Variants in EMILIN2 observed in about 807,000 individuals in gnomAD.
The protein encoded by EMILIN2 is elastin microfibril interfacer 2.
EMILIN2 carries 71 observed loss-of-function variants against 87.1 expected under a neutral mutation model. The ratio of observed to expected loss-of-function variants is 0.82; its 90% CI spans 0.67 to 0.99. EMILIN2 has a LOEUF of 0.99. Among genes scored for constraint, EMILIN2 ranks in the 50% least tolerant of loss-of-function variants. The pLI is 0.00. For synonymous variants in EMILIN2, 581 were observed against 563.4 expected, an observed-to-expected ratio of 1.03 and a Z score of -0.44; for missense variants, 1,407 against 1,371.8, an observed-to-expected ratio of 1.03 and a Z score of -0.40.
rs377272906 is a variant in EMILIN2, at chr18:2,909,695, T to C, written c.2700T>C (p.Ala900=). Residue 900 remains alanine (A), a synonymous_variant, in exon 7 of 8, where the codon GCT becomes GCC. Coordinates refer to ENST00000254528, the MANE Select transcript of EMILIN2 (RefSeq NM_032048.3). ...PKSPPVASPG[A]PVPSLVSFSA... is the part of the protein sequence containing the mutation. ...TCCATCCTTTCTCTGCTCCAGGAGC[T>C]CCGGTGCCTTCTCTGGTGTCTTTTT... 6.2e-6 allele frequency: 10 copies of C among 1,613,864 alleles called. No individual in the cohort carries two copies. In the African/African-American group the frequency reaches 1.3e-4, roughly 22 times the overall value.
chr18:2,899,464 G>A (rs1279205440), intron 4 of EMILIN2, among the ~76,000 whole-genome samples: 5 of 152,110 alleles, frequency 3.3e-5, no homozygotes, highest in South Asian at 2.1e-4. Context: ...CCTCCTATGC[G>A]CTTCCATATA....
At chr18:2,905,930 G>A (rs1280486434) in intron 4 of EMILIN2, among the ~76,000 whole-genome samples, 1 of 152,106 alleles carries the variant, frequency 6.6e-6, no homozygotes, top group Non-Finnish European at 1.5e-5. Context: ...GGCCCGCTTA[G>A]GGAGTTTTAA....
At chr18:2,871,466 C>G (rs545238181) in intron 2 of EMILIN2, among the ~76,000 whole-genome samples, 1 of 152,286 alleles carries the variant, frequency 6.6e-6, no homozygotes. Context: ...GTGAGGGGCA[C>G]AGGAGGGACT....
At chr18:2,853,943 T>TA (rs2076614251) in intron 2 of EMILIN2, among the ~76,000 whole-genome samples, 1 of 152,232 alleles carries the variant, frequency 6.6e-6, no homozygotes, top group Non-Finnish European at 1.5e-5. Flanking sequence ...GGACTGGCGT[T>TA]GTTTTCTTTC....
Position 2,847,449 on chromosome 18 carries a change from G to C in EMILIN2, c.134+127G>C. 1 of 1,102,812 alleles carries C rather than the reference G, an allele frequency of 9.1e-7. No individual in the cohort carries two copies. The highest frequency in any genetic ancestry group is 1.2e-6 in the Non-Finnish European group (1 of 866,050). The allele number at this position is 1,102,812 out of a possible 1,614,324, so 68.3% of individuals were successfully genotyped here. On this transcript the variant is annotated intron_variant, in intron 1 of 7. Coordinates refer to ENST00000254528, the MANE Select transcript of EMILIN2 (RefSeq NM_032048.3). The surrounding 1 kb of genome is among the most constrained non-coding windows in gnomAD (Gnocchi z 4.5). ...GGCCTCCCTTGGACTTCCCCGGGCG[G>C]CTCCCTCTGCGGGGGACCGCGCGCT...
At chr18:2,856,470 T>C (rs771340640) in intron 2 of EMILIN2, among the ~76,000 whole-genome samples, 4 of 152,146 alleles carry the variant, frequency 2.6e-5, no homozygotes, top group Non-Finnish European at 5.9e-5. Context: ...CCCCAGGTGA[T>C]CTATCCCACC....
intron 2 of EMILIN2, among the ~76,000 whole-genome samples, chr18:2,865,418 T>A (rs941908012): frequency 3.3e-5 from 5 of 152,224 alleles, no homozygotes; most frequent in Non-Finnish European, 7.4e-5. Flanking sequence ...CTGTTAGTTT[T>A]CCTTCTAACA....
rs574061886 is a variant in EMILIN2 at position 2,858,476 on chromosome 18, C to T, written c.257+10545C>T. Among the ~76,000 whole-genome samples, 153 of 130,814 alleles carry T rather than the reference C, an allele frequency of 1.2e-3. 1 individual carries two copies. Among genetic ancestry groups the T allele is most frequent in the Middle Eastern group, 4.6e-3 (1 of 218 alleles). 85.8% of individuals were successfully genotyped at this position (130,814 alleles called of 152,430 possible). The stretch of plus-strand genomic sequence containing the variant: ...GTCTCCAATTCCATCCAGGTTGCTG[C>T]GAATACCATTAATTCATCCCTTTTT... On this transcript the variant is annotated intron_variant, in intron 2 of 7. Transcript: ENST00000254528.
chr18:2,908,348 A>G (rs1359064625), intron 5 of EMILIN2, among the ~76,000 whole-genome samples: 1 of 151,824 alleles, frequency 6.6e-6, no homozygotes, highest in Non-Finnish European at 1.5e-5. Context: ...ACATCCATCC[A>G]CCCACATATG....
rs1037081096 is a variant in EMILIN2 at position 2,885,223 on chromosome 18, T to C, written c.433+84T>C. Reference sequence around the variant, plus strand: ...AAACAACAGGATTTGTGCTTTACAATGGTGAGCTTTGAATGGCCTTCGAAT... The same window carrying C: ...AAACAACAGGATTTGTGCTTTACAACGGTGAGCTTTGAATGGCCTTCGAAT... On this transcript the variant is annotated intron_variant, in intron 3 of 7. Transcript: ENST00000254528. The C allele has an allele frequency of 1.7e-4, 246 of 1,420,140 alleles. 4 individuals are homozygous for C. The South Asian group carries it at 2.6e-3, about 15-fold the overall frequency. The allele number at this position is 1,420,140 out of a possible 1,614,324, so 88.0% of individuals were successfully genotyped here. A position where few individuals can be genotyped will look rare whatever the true frequency, so the allele number is the denominator to read the frequency against.
rs1226412605 is a variant in EMILIN2, at chr18:2,900,115, CTCTTA to C, written c.2360-6666_2360-6662del. ...GCCTTAACAACCAACACAGTGCTCC[CTCTTA>C]TAAGCTTGAGGGTTTTTTTTTTCAT... On this transcript the variant is annotated intron_variant, in intron 4 of 7. Coordinates refer to ENST00000254528, the MANE Select transcript of EMILIN2 (RefSeq NM_032048.3). 1.1e-4 allele frequency among the ~76,000 whole-genome samples: 14 copies of C among 126,234 alleles called. No homozygotes were observed. The Admixed American group carries it at 1.3e-3, about 11-fold the overall frequency. The allele number at this position is 126,234 out of a possible 152,430, so 82.8% of individuals were successfully genotyped here.
At chr18:2,878,097 G>A (rs1400990300) in intron 2 of EMILIN2, among the ~76,000 whole-genome samples, 1 of 151,944 alleles carries the variant, frequency 6.6e-6, no homozygotes, top group Non-Finnish European at 1.5e-5. Flanking sequence ...AGTTTGGGAA[G>A]GTGAAACAGT....
chr18:2,858,583 G>GTATATATATATATATA (rs1555665466), intron 2 of EMILIN2, among the ~76,000 whole-genome samples: 5 of 63,064 alleles, frequency 7.9e-5, no homozygotes, highest in Non-Finnish European at 1.0e-4. Flanking sequence ...GTGTGTGTGT[G>GTATATATATATATATA]TATATATATA....
In EMILIN2 at chr18:2,891,795, C is replaced by T; in HGVS notation, c.1668C>T (p.Asn556=). ...VQVVEDICLL[N]IQGKPHGMEG... ...TTGTTGAAGACATTTGCCTGCTGAA[C>T]ATCCAGGGAAAGCCTCATGGGATGG... is the stretch of plus-strand genomic sequence containing the variant. Residue 556 remains asparagine (N), a synonymous_variant, in exon 4 of 8, where the codon AAC becomes AAT. Transcript: ENST00000254528. This position sits in a 1 kb window ranked among gnomAD's most constrained non-coding sequence, Gnocchi z 4.6. 6.2e-7 allele frequency: 1 copy of T among 1,614,200 alleles called. No homozygotes were observed. The highest frequency in any genetic ancestry group is 8.5e-7 in the Non-Finnish European group (1 of 1,180,036).
intron 7 of EMILIN2, among the ~76,000 whole-genome samples, chr18:2,911,537 C>G (rs948418312): frequency 5.9e-5 from 9 of 152,304 alleles, no homozygotes; most frequent in African/African-American, 2.2e-4. Flanking sequence ...CTGGCTGCAA[C>G]CAATCATTAA....
intron 2 of EMILIN2, among the ~76,000 whole-genome samples, chr18:2,881,700 G>A (rs571865379): frequency 1.7e-4 from 26 of 152,200 alleles, no homozygotes; most frequent in Non-Finnish European, 3.7e-4. Flanking sequence ...AACAAAACCC[G>A]AGAGCAAACA....
chr18:2,846,812 G>A (rs2076576124), upstream of EMILIN2: 2 of 985,308 alleles, frequency 2.0e-6, no homozygotes, highest in Admixed American at 6.1e-5. This position sits in a 1 kb window ranked among gnomAD's most constrained non-coding sequence, Gnocchi z 5.3. Flanking sequence ...ATGCTGTAAC[G>A]TAGACCCTTA....
At chr18:2,896,324 T>C (rs922934151) in intron 4 of EMILIN2, among the ~76,000 whole-genome samples, 4 of 152,162 alleles carry the variant, frequency 2.6e-5, no homozygotes, top group Non-Finnish European at 4.4e-5. Context: ...TACAGGTGTC[T>C]GCCACCACAT....
intron 2 of EMILIN2, among the ~76,000 whole-genome samples, chr18:2,859,117 C>T (rs1280439875): frequency 2.0e-5 from 3 of 152,100 alleles, no homozygotes; most frequent in African/African-American, 7.2e-5. Flanking sequence ...GGTAGTTCTA[C>T]TTTTAGTTCT....
Sources: gnomAD v4.1 joint callset for allele counts (sites outside exome capture counted in the v4.1 genomes callset) on GRCh38, gnomAD v4.1.1 for gene constraint, Gnocchi (gnomAD v3.1) non-coding constraint, MANE v1.5 for transcripts, NCBI Gene and HGNC (gene_info 2026-07-23, HGNC 2026-07-21) for gene names.